The following INPP4B variants were observed in gnomAD, a reference collection of about 807,000 sequenced individuals.
The protein encoded by INPP4B is inositol polyphosphate-4-phosphatase type II B.
INPP4B carries 55 observed loss-of-function variants against 122.5 expected under a neutral mutation model. The observed-to-expected ratio is 0.45, with a 90% confidence interval of 0.36 to 0.56. INPP4B has a LOEUF of 0.56. Among genes scored for constraint, INPP4B ranks in the 20% least tolerant of loss-of-function variants. INPP4B has a pLI of 0.00. For synonymous variants in INPP4B, 403 were observed against 388.7 expected, an observed-to-expected ratio of 1.04 and a Z score of -0.43; for missense variants, 1,000 against 1,097.7, an observed-to-expected ratio of 0.91 and a Z score of 1.26.
chr4:142,595,124 C>G (rs890143590), intron 2 of INPP4B, among the ~76,000 whole-genome samples: 1 of 151,778 alleles, frequency 6.6e-6, no homozygotes, highest in Non-Finnish European at 1.5e-5. Flanking sequence ...TGCCTATTTA[C>G]GTAAGTTTTC....
intron 11 of INPP4B, among the ~76,000 whole-genome samples, chr4:142,253,168 T>G (rs796912037): frequency 1.3e-5 from 2 of 152,316 alleles, no homozygotes; most frequent in African/African-American, 4.8e-5. Flanking sequence ...AAAGGGCATT[T>G]ACCATGAAAG....
At chr4:142,331,334 G>A (rs1774435364) in intron 7 of INPP4B, among the ~76,000 whole-genome samples, 1 of 152,106 alleles carries the variant, frequency 6.6e-6, no homozygotes, top group South Asian at 2.1e-4. Flanking sequence ...AGTAGAGCAG[G>A]CCCCAGCATA....
At chr4:142,300,731 A>G (rs1761062031) in intron 9 of INPP4B, among the ~76,000 whole-genome samples, 1 of 152,200 alleles carries the variant, frequency 6.6e-6, no homozygotes, top group African/African-American at 2.4e-5. Flanking sequence ...CTTTCATAGC[A>G]TCTTGCATAC....
chr4:142,540,385 G>T (rs1828801117), intron 2 of INPP4B, among the ~76,000 whole-genome samples: 1 of 151,780 alleles, frequency 6.6e-6, no homozygotes, highest in African/African-American at 2.4e-5. Context: ...GCTTCATAGG[G>T]TGATACTGAA....
intron 2 of INPP4B, among the ~76,000 whole-genome samples, chr4:142,656,079 T>C (rs1754074873): frequency 6.6e-6 from 1 of 152,180 alleles, no homozygotes; most frequent in Non-Finnish European, 1.5e-5. Context: ...GCCTGCACAC[T>C]GGAGTAGAGC....
chr4:142,803,171 CAA>C (rs574677089), intron 1 of INPP4B, among the ~76,000 whole-genome samples: 58 of 82,848 alleles, frequency 7.0e-4, no homozygotes, highest in Non-Finnish European at 1.2e-3. Flanking sequence ...GACTACGTCT[CAA>C]AAAAAAAAAA....
At chr4:142,700,970 A>G (rs1316205712) in intron 2 of INPP4B, among the ~76,000 whole-genome samples, 1 of 152,186 alleles carries the variant, frequency 6.6e-6, no homozygotes, top group African/African-American at 2.4e-5. Flanking sequence ...TAGATCAAAA[A>G]CAAAAGAAAC....
chr4:142,675,748 A>G (rs998474755), intron 2 of INPP4B, among the ~76,000 whole-genome samples: 1 of 152,198 alleles, frequency 6.6e-6, no homozygotes, highest in Non-Finnish European at 1.5e-5. Flanking sequence ...GACAAAAATC[A>G]CATGATTATC....
chr4:142,068,596 G>T (rs1275733194), intron 25 of INPP4B, among the ~76,000 whole-genome samples: 1 of 152,166 alleles, frequency 6.6e-6, no homozygotes, highest in African/African-American at 2.4e-5. Context: ...CATCTCACGT[G>T]CAGAGACACA....
intron 2 of INPP4B, among the ~76,000 whole-genome samples, chr4:142,700,503 C>T (rs935466885): frequency 2.6e-5 from 4 of 152,186 alleles, no homozygotes. Context: ...TTATTTCCAT[C>T]GTAGGATAGA....
At position 142,365,131 on chromosome 4, in the gene INPP4B, C is replaced by T. The variant is rs530467356; in HGVS notation, c.372+37807G>A. ...AAAGACATGAAATTAGAGTTTTCAA[C>T]TGGGCAGAATTTGAGTAATGAAAAA... On this transcript the variant is annotated intron_variant, in intron 7 of 25. Coordinates refer to ENST00000262992, the MANE Select transcript of INPP4B (RefSeq NM_001101669.3). 3.3e-5 allele frequency among the ~76,000 whole-genome samples: 5 copies of T among 152,166 alleles called. No homozygotes were observed. In the South Asian group the frequency reaches 1.0e-3, roughly 32 times the overall value.
chr4:142,331,272 A>T (rs1000762519), intron 7 of INPP4B, among the ~76,000 whole-genome samples: 3 of 152,186 alleles, frequency 2.0e-5, no homozygotes, highest in Non-Finnish European at 4.4e-5. Context: ...CTAGCTTGAG[A>T]TCGCTGACCA....
At chr4:142,464,520 A>T (rs1428797115) in intron 2 of INPP4B, among the ~76,000 whole-genome samples, 1 of 151,948 alleles carries the variant, frequency 6.6e-6, no homozygotes, top group East Asian at 1.9e-4. Flanking sequence ...ACCAGGACTC[A>T]TTTAATTTGG....
intron 14 of INPP4B, among the ~76,000 whole-genome samples, chr4:142,197,881 CTGATA>C (rs1839009088): frequency 6.6e-6 from 1 of 151,990 alleles, no homozygotes; most frequent in Non-Finnish European, 1.5e-5. Flanking sequence ...AGTTTTGGAT[CTGATA>C]TATTTTCCAA....
chr4:142,116,198 C>T (rs1793274524), intron 21 of INPP4B, among the ~76,000 whole-genome samples: 1 of 152,088 alleles, frequency 6.6e-6, no homozygotes, highest in African/African-American at 2.4e-5. Flanking sequence ...CTTAGACACC[C>T]ACACAATAAT....
chr4:142,277,244 G>A (rs1371595091), intron 9 of INPP4B, among the ~76,000 whole-genome samples: 2 of 150,334 alleles, frequency 1.3e-5, no homozygotes, highest in African/African-American at 4.9e-5. Flanking sequence ...GTCCTTTGTC[G>A]GACATATACA....
At chr4:142,033,793 T>C (rs976384365) in intron 25 of INPP4B, among the ~76,000 whole-genome samples, 1 of 151,632 alleles carries the variant, frequency 6.6e-6, no homozygotes, top group Non-Finnish European at 1.5e-5. Context: ...GCCTCCCAAG[T>C]AGCTGGGACT....
chr4:142,544,342 A>G (rs1246554057), intron 2 of INPP4B, among the ~76,000 whole-genome samples: 1 of 152,012 alleles, frequency 6.6e-6, no homozygotes, highest in East Asian at 1.9e-4. Flanking sequence ...CCCATGAGAG[A>G]AAGCTGTTCT....
At chr4:142,481,736 A>T (rs1408595929) in intron 2 of INPP4B, among the ~76,000 whole-genome samples, 1 of 152,148 alleles carries the variant, frequency 6.6e-6, no homozygotes, top group Non-Finnish European at 1.5e-5. Flanking sequence ...TCACTTTTTC[A>T]GTGCCCTCTA....
Sources: gnomAD v4.1 joint callset for allele counts (sites outside exome capture counted in the v4.1 genomes callset) on GRCh38, gnomAD v4.1.1 for gene constraint, MANE v1.5 for transcripts, NCBI Gene and HGNC (gene_info 2026-07-23, HGNC 2026-07-21) for gene names.